PEX5L: variants seen among roughly 807,000 people sequenced by gnomAD.
PEX5L encodes peroxisomal biogenesis factor 5 like.
A neutral mutation model predicts 84.0 loss-of-function variants in PEX5L; 30 were observed. That is an observed-to-expected ratio of 0.36 (90% confidence interval 0.27 to 0.48). The LOEUF (loss-of-function observed/expected upper bound fraction) is 0.48, where lower values mean the gene tolerates loss of function less well. Ranked by LOEUF, PEX5L falls within the 20% of genes least tolerant of loss-of-function variation. PEX5L has a pLI of 0.99. For missense variants in PEX5L, 533 were observed against 754.6 expected, an observed-to-expected ratio of 0.71 and a Z score of 3.44; for synonymous variants, 270 against 283.1, an observed-to-expected ratio of 0.95 and a Z score of 0.46.
intron 2 of PEX5L, among the ~76,000 whole-genome samples, chr3:179,968,595 T>A (rs921698078): frequency 2.0e-5 from 3 of 152,104 alleles, no homozygotes; most frequent in African/African-American, 7.2e-5. Context: ...ATCCAATACA[T>A]TCCCTTTGAT....
intron 2 of PEX5L, among the ~76,000 whole-genome samples, chr3:179,952,024 C>G (rs1434661019): frequency 1.3e-5 from 2 of 152,084 alleles, no homozygotes; most frequent in South Asian, 4.1e-4. Flanking sequence ...GCAATTGTTA[C>G]AATAGTGACT....
At chr3:179,841,071 G>A (rs1399774157) in intron 8 of PEX5L, among the ~76,000 whole-genome samples, 1 of 152,114 alleles carries the variant, frequency 6.6e-6, no homozygotes, top group Non-Finnish European at 1.5e-5. Context: ...CAGAAAAGGA[G>A]ACTGGGAACG....
chr3:179,954,212 G>GA (rs201400903), intron 2 of PEX5L, among the ~76,000 whole-genome samples: 20,516 of 140,984 alleles, frequency 0.15, 1,666 homozygotes, highest in South Asian at 0.33. Context: ...GTCGGGGGGG[G>GA]GGGAAAAAGT....
intron 2 of PEX5L, among the ~76,000 whole-genome samples, chr3:179,938,140 ACT>A (rs1229481515): frequency 6.6e-6 from 1 of 152,122 alleles, no homozygotes; most frequent in Non-Finnish European, 1.5e-5. Flanking sequence ...TTAAAGGTAA[ACT>A]CTGCAGAGGT....
At chr3:180,031,127 A>T (rs941171305) in intron 1 of PEX5L, among the ~76,000 whole-genome samples, 2 of 152,162 alleles carry the variant, frequency 1.3e-5, no homozygotes, top group Non-Finnish European at 2.9e-5. Context: ...ATTTGTTACT[A>T]ACTAGTAAGA....
At chr3:179,914,869 G>T (rs1399557929) in intron 2 of PEX5L, among the ~76,000 whole-genome samples, 3 of 152,190 alleles carry the variant, frequency 2.0e-5, no homozygotes, top group African/African-American at 7.2e-5. Flanking sequence ...AGCCTTTGCA[G>T]TGATAGTGAA....
chr3:179,987,439 C>A (rs1786960374), intron 1 of PEX5L, among the ~76,000 whole-genome samples: 1 of 152,180 alleles, frequency 6.6e-6, no homozygotes, highest in African/African-American at 2.4e-5. Flanking sequence ...TTTGGGGGTG[C>A]TGGGATTTAA....
chr3:179,944,326 T>G (rs1176323893), intron 2 of PEX5L, among the ~76,000 whole-genome samples: 1 of 152,152 alleles, frequency 6.6e-6, no homozygotes, highest in Admixed American at 6.5e-5. Flanking sequence ...CAAAAATCAA[T>G]AGACACTATG....
intron 5 of PEX5L, among the ~76,000 whole-genome samples, chr3:179,877,798 T>C (rs1018093178): frequency 1.6e-4 from 24 of 152,164 alleles, no homozygotes; most frequent in Admixed American, 1.6e-3. Flanking sequence ...TAAATGTTAT[T>C]AACTTATTTG....
At chr3:179,886,078 C>G (rs1019199110) in intron 4 of PEX5L, among the ~76,000 whole-genome samples, 3 of 152,152 alleles carry the variant, frequency 2.0e-5, no homozygotes, top group Admixed American at 6.5e-5. Context: ...TGAATCAAAT[C>G]TTATATTGCT....
At chr3:179,911,295 C>G (rs1005012261) in intron 2 of PEX5L, among the ~76,000 whole-genome samples, 12 of 152,188 alleles carry the variant, frequency 7.9e-5, no homozygotes, top group African/African-American at 2.7e-4. Flanking sequence ...GGCAACATAG[C>G]TTTATATGTG....
chr3:179,945,527 A>T (rs574271236), intron 2 of PEX5L, among the ~76,000 whole-genome samples: 100 of 152,314 alleles, frequency 6.6e-4, no homozygotes, highest in African/African-American at 2.2e-3. Flanking sequence ...ATAGTTAAAG[A>T]CTTGTTAGCA....
intron 2 of PEX5L, among the ~76,000 whole-genome samples, chr3:179,947,908 G>A (rs926396334): frequency 4.0e-5 from 6 of 151,800 alleles, no homozygotes; most frequent in African/African-American, 1.2e-4. Context: ...GTGTTTCACC[G>A]TGTTAGCCAG....
At chr3:179,957,877 GTA>G (rs1311577664) in intron 2 of PEX5L, among the ~76,000 whole-genome samples, 5 of 152,160 alleles carry the variant, frequency 3.3e-5, no homozygotes, top group African/African-American at 1.2e-4. Flanking sequence ...TGGCCATTCA[GTA>G]TTGTGTACTG....
At chr3:179,949,314 G>A (rs1432657566) in intron 2 of PEX5L, among the ~76,000 whole-genome samples, 1 of 151,964 alleles carries the variant, frequency 6.6e-6, no homozygotes, top group Non-Finnish European at 1.5e-5. Context: ...AGCCCTTTTT[G>A]TTAAGCATCT....
intron 12 of PEX5L, among the ~76,000 whole-genome samples, chr3:179,808,848 C>T (rs1035619267): frequency 6.6e-6 from 1 of 151,946 alleles, no homozygotes. Context: ...GAGGCCGAGG[C>T]GGGCGGATCA....
chr3:179,803,170 G>A (rs1719776668), intron 14 of PEX5L, among the ~76,000 whole-genome samples: 1 of 152,198 alleles, frequency 6.6e-6, no homozygotes, highest in Non-Finnish European at 1.5e-5. Context: ...GCAGGTGTGA[G>A]AGTGTGTCTT....
chr3:179,856,526 A>C (rs1744018652), intron 8 of PEX5L, among the ~76,000 whole-genome samples: 1 of 152,240 alleles, frequency 6.6e-6, no homozygotes, highest in Non-Finnish European at 1.5e-5. Flanking sequence ...CGATGAGCAT[A>C]AATATTTCCA....
chr3:179,844,773 T>C (rs1269903966), intron 8 of PEX5L, among the ~76,000 whole-genome samples: 1 of 152,166 alleles, frequency 6.6e-6, no homozygotes, highest in Admixed American at 6.5e-5. Context: ...GAGCTTGCAG[T>C]GAGCCGAGAT....
Sources: gnomAD v4.1 joint callset for allele counts (sites outside exome capture counted in the v4.1 genomes callset) on GRCh38, gnomAD v4.1.1 for gene constraint, MANE v1.5 for transcripts, NCBI Gene and HGNC (gene_info 2026-07-23, HGNC 2026-07-21) for gene names.